The following RPS6KC1 variants were observed in gnomAD, a reference collection of about 807,000 sequenced individuals.
RPS6KC1 encodes the protein inactive ribosomal protein S6 kinase delta-1.
In RPS6KC1, 54 loss-of-function variants were observed where a neutral mutation model predicts 103.8. That is an observed-to-expected ratio of 0.52 (90% CI 0.42 to 0.65). The LOEUF (loss-of-function observed/expected upper bound fraction) is 0.65. Ranked by LOEUF, RPS6KC1 falls within the 30% of genes least tolerant of loss-of-function variation. The probability of loss-of-function intolerance (pLI) is 0.00; values close to 1 mark genes in which losing one functional copy is unlikely to be tolerated. For missense variants in RPS6KC1, 1,151 were observed against 1,253.8 expected, an observed-to-expected ratio of 0.92 and a Z score of 1.24; for synonymous variants, 439 against 438.7, an observed-to-expected ratio of 1.00 and a Z score of -0.01.
At chr1:213,205,536 T>TTTTATATATA (rs1553378412) in intron 8 of RPS6KC1, 15 of 82,318 alleles carry the variant, frequency 1.8e-4, no homozygotes, top group African/African-American at 7.2e-4. Context: ...ACAAACTCAT[T>TTTTATATATA]TATATATATA....
At chr1:213,629,716 T>A in the RPS6KC1 span, among the ~76,000 whole-genome samples, 1 of 152,240 alleles carries the variant, frequency 6.6e-6, no homozygotes, top group African/African-American at 2.4e-5. Flanking sequence ...TTGCAGTGGC[T>A]GGTACCGGTT....
the RPS6KC1 span, among the ~76,000 whole-genome samples, chr1:213,593,842 A>C: frequency 6.6e-6 from 1 of 152,092 alleles, no homozygotes; most frequent in Non-Finnish European, 1.5e-5. Context: ...TGACTGAGGA[A>C]CTGAATTTTA....
chr1:213,504,705 G>A, the RPS6KC1 span, among the ~76,000 whole-genome samples: 1 of 152,002 alleles, frequency 6.6e-6, no homozygotes, highest in Non-Finnish European at 1.5e-5. Context: ...CTATTATTTT[G>A]TATCATTTAG....
At chr1:213,345,345 T>C in the RPS6KC1 span, among the ~76,000 whole-genome samples, 4,386 of 152,328 alleles carry the variant, frequency 0.029, 123 homozygotes, top group Middle Eastern at 0.065. Context: ...ATTTCAAAGT[T>C]CCTTTCTGAT....
the RPS6KC1 span, among the ~76,000 whole-genome samples, chr1:213,814,373 A>C: frequency 6.6e-6 from 1 of 152,244 alleles, no homozygotes; most frequent in Non-Finnish European, 1.5e-5. Flanking sequence ...TCCAACTGAG[A>C]AGGAGCTATG....
the RPS6KC1 span, among the ~76,000 whole-genome samples, chr1:213,848,973 C>A: frequency 6.6e-6 from 1 of 152,040 alleles, no homozygotes; most frequent in Non-Finnish European, 1.5e-5. Flanking sequence ...TCAAAGATGG[C>A]ATGTCATTAC....
the RPS6KC1 span, among the ~76,000 whole-genome samples, chr1:213,429,707 C>G: frequency 6.6e-6 from 1 of 152,132 alleles, no homozygotes; most frequent in East Asian, 1.9e-4. Flanking sequence ...TCTTCATCTC[C>G]ACCCACTATC....
chr1:213,105,914 A>G (rs935931367), intron 4 of RPS6KC1, among the ~76,000 whole-genome samples: 1 of 152,210 alleles, frequency 6.6e-6, no homozygotes, highest in Non-Finnish European at 1.5e-5. Flanking sequence ...GCTGTCATGC[A>G]AATTACCACC....
At chr1:213,318,202 A>T in the RPS6KC1 span, among the ~76,000 whole-genome samples, 205 of 152,352 alleles carry the variant, frequency 1.3e-3, no homozygotes, top group African/African-American at 4.8e-3. Flanking sequence ...ATCAGACATC[A>T]TTTTGGTTCC....
chr1:213,578,050 C>T, the RPS6KC1 span, among the ~76,000 whole-genome samples: 1 of 152,230 alleles, frequency 6.6e-6, no homozygotes. Flanking sequence ...CCGGGCTGGG[C>T]CCAGGGCTTT....
the RPS6KC1 span, among the ~76,000 whole-genome samples, chr1:213,591,178 C>T: frequency 2.0e-5 from 3 of 152,130 alleles, no homozygotes; most frequent in African/African-American, 7.2e-5. Context: ...GAGAAAGAAC[C>T]GAGAGATGCC....
At chr1:213,367,121 G>A in the RPS6KC1 span, among the ~76,000 whole-genome samples, 14 of 152,254 alleles carry the variant, frequency 9.2e-5, no homozygotes, top group East Asian at 2.1e-3. Context: ...CTCCTAAATG[G>A]TATATCCACT....
the RPS6KC1 span, among the ~76,000 whole-genome samples, chr1:213,325,915 C>T: frequency 6.6e-6 from 1 of 152,212 alleles, no homozygotes. Flanking sequence ...CTGGAAAGCC[C>T]TTCTCCAGAG....
the RPS6KC1 span, among the ~76,000 whole-genome samples, chr1:213,562,149 C>A: frequency 1.3e-4 from 20 of 152,206 alleles, no homozygotes; most frequent in African/African-American, 4.8e-4. Flanking sequence ...ATGTGTTATG[C>A]AGTTTACTTA....
chr1:213,425,073 A>G, the RPS6KC1 span, among the ~76,000 whole-genome samples: 5 of 152,004 alleles, frequency 3.3e-5, no homozygotes, highest in Non-Finnish European at 5.9e-5. Context: ...GGGAAGCAAG[A>G]CCCCTCATCC....
the RPS6KC1 span, among the ~76,000 whole-genome samples, chr1:213,294,197 T>G: frequency 6.6e-6 from 1 of 152,224 alleles, no homozygotes; most frequent in African/African-American, 2.4e-5. Context: ...CTAATTTTGA[T>G]AACAGTTGAT....
the RPS6KC1 span, among the ~76,000 whole-genome samples, chr1:213,781,229 G>A: frequency 3.2e-4 from 48 of 152,288 alleles, no homozygotes; most frequent in Middle Eastern, 6.8e-3. Context: ...AAAGATAAAA[G>A]GCAGATCATT....
chr1:213,637,312 G>A, the RPS6KC1 span, among the ~76,000 whole-genome samples: 709 of 149,944 alleles, frequency 4.7e-3, 7 homozygotes, highest in African/African-American at 0.016. Flanking sequence ...CAATGCACAC[G>A]TATGTTTATT....
At chr1:213,205,820 C>T (rs983498814) in intron 8 of RPS6KC1, among the ~76,000 whole-genome samples, 7 of 151,574 alleles carry the variant, frequency 4.6e-5, no homozygotes, top group East Asian at 1.9e-4. Flanking sequence ...ATCTCTTATT[C>T]GAAATGCTTG....
Sources: gnomAD v4.1 joint callset for allele counts (sites outside exome capture counted in the v4.1 genomes callset) on GRCh38, gnomAD v4.1.1 for gene constraint, MANE v1.5 for transcripts, NCBI Gene and HGNC (gene_info 2026-07-23, HGNC 2026-07-21) for gene names.